AFG1L: variants seen among roughly 807,000 people sequenced by gnomAD.
AFG1L encodes AFG1-like ATPase.
In AFG1L, 53 loss-of-function variants were observed where a neutral mutation model predicts 62.2. The observed-to-expected ratio is 0.85, with a 90% CI of 0.68 to 1.07. The LOEUF is 1.07. Among genes scored for constraint, AFG1L ranks in the 50% least tolerant of loss-of-function variants. The pLI is 0.00. For synonymous variants in AFG1L, 228 were observed against 210.3 expected (o/e 1.08, Z -0.73); for missense variants, 555 against 590.5 (o/e 0.94, Z 0.62).
intron 10 of AFG1L, among the ~76,000 whole-genome samples, chr6:108,490,833 C>T (rs1181368144): frequency 6.6e-6 from 1 of 152,226 alleles, no homozygotes; most frequent in Admixed American, 6.5e-5. Flanking sequence ...CTATTTCCCT[C>T]TGTTGAAAAC....
chr6:108,447,040 A>G (rs1454250548), intron 7 of AFG1L, among the ~76,000 whole-genome samples, 174 bp from the exon 8 acceptor site: 4 of 152,186 alleles, frequency 2.6e-5, no homozygotes, highest in Non-Finnish European at 5.9e-5. Context: ...TATATTTAAT[A>G]TTGCAACTTT....
chr6:108,317,450 T>C lies in AFG1L; in HGVS notation c.140-6375T>C, dbSNP rs1264911569. On this transcript the variant is annotated intron_variant, in intron 1 of 12. Transcript: ENST00000368977. ...GGGTGGGACAACAGGACCAGTTGAGTCATGAGTCATGAGTCCAGGTGGGGT... is the reference window on the plus strand; with the variant it reads ...GGGTGGGACAACAGGACCAGTTGAGCCATGAGTCATGAGTCCAGGTGGGGT... Among the ~76,000 whole-genome samples, 3 of 151,968 alleles carry C rather than the reference T, an allele frequency of 2.0e-5. No homozygotes were observed. The East Asian group carries it at 5.8e-4, about 29-fold the overall frequency.
intron 8 of AFG1L, among the ~76,000 whole-genome samples, chr6:108,476,016 T>C (rs1262315008): frequency 1.3e-5 from 2 of 152,224 alleles, no homozygotes; most frequent in Admixed American, 6.5e-5. Context: ...AAAGTTTGTA[T>C]GTGGAGTTGA....
chr6:108,419,624 C>T (rs1381832374), intron 7 of AFG1L, among the ~76,000 whole-genome samples: 2 of 152,072 alleles, frequency 1.3e-5, no homozygotes, highest in Admixed American at 1.3e-4. Flanking sequence ...GAGGTAGTAA[C>T]AATTTTGTTC....
chr6:108,426,880 T>C (rs1770839283), intron 7 of AFG1L, among the ~76,000 whole-genome samples: 1 of 151,924 alleles, frequency 6.6e-6, no homozygotes, highest in Non-Finnish European at 1.5e-5. Flanking sequence ...TCCCCAGGAG[T>C]AGCCACTATT....
intron 10 of AFG1L, among the ~76,000 whole-genome samples, chr6:108,491,206 A>G (rs7776278): frequency 0.67 from 101,845 of 152,102 alleles, 36,004 homozygotes; most frequent in African/African-American, 0.91. Flanking sequence ...ATAAATCTAC[A>G]TCATAAACTT....
intron 7 of AFG1L, among the ~76,000 whole-genome samples, chr6:108,429,204 G>T (rs889958917): frequency 6.6e-6 from 1 of 152,036 alleles, no homozygotes; most frequent in African/African-American, 2.4e-5. Context: ...ATGTGTATTA[G>T]TCTGTTCTCA....
intron 2 of AFG1L, among the ~76,000 whole-genome samples, 192 bp downstream of exon 2, chr6:108,324,240 A>G (rs1263774483): frequency 6.6e-6 from 1 of 152,210 alleles, no homozygotes; most frequent in Non-Finnish European, 1.5e-5. Flanking sequence ...AGGGGTTTGA[A>G]TAGCTTCATA....
chr6:108,446,402 G>A (rs1051145607), intron 7 of AFG1L, among the ~76,000 whole-genome samples: 1 of 151,854 alleles, frequency 6.6e-6, no homozygotes, highest in Non-Finnish European at 1.5e-5. Flanking sequence ...ATTTAGAAGC[G>A]AAGGATGGGC....
intron 7 of AFG1L, among the ~76,000 whole-genome samples, chr6:108,417,130 A>G (rs1770334012): frequency 6.6e-6 from 1 of 151,776 alleles, no homozygotes; most frequent in East Asian, 1.9e-4. Flanking sequence ...GCTACTTAGG[A>G]AGCTGAGGTG....
intron 8 of AFG1L, among the ~76,000 whole-genome samples, chr6:108,455,373 A>G (rs1180523938): frequency 2.0e-5 from 3 of 152,166 alleles, no homozygotes; most frequent in Non-Finnish European, 4.4e-5. Flanking sequence ...TTTTAAAAAG[A>G]TAGCCTTCTC....
At chr6:108,322,711 A>G (rs573369223) in intron 1 of AFG1L, among the ~76,000 whole-genome samples, 1 of 152,306 alleles carries the variant, frequency 6.6e-6, no homozygotes, top group African/African-American at 2.4e-5. Flanking sequence ...AGTAATTTTT[A>G]TGTTATTGTG....
At chr6:108,295,248 C>T (rs778578879) in intron 1 of AFG1L, 30 bp downstream of exon 1, 36 of 1,584,904 alleles carry the variant, frequency 2.3e-5, no homozygotes, top group Non-Finnish European at 2.7e-5. Context: ...GTAGTCCGAG[C>T]CGACTGCATA....
chr6:108,314,231 CAAAAAA>C (rs1365213405), intron 1 of AFG1L, among the ~76,000 whole-genome samples: 1 of 150,152 alleles, frequency 6.7e-6, no homozygotes. Flanking sequence ...AACTCTATCT[CAAAAAA>C]AGAAAAAAAA....
chr6:108,400,752 TATATATGTTATATATTTATA>T (rs1257421109), intron 6 of AFG1L, among the ~76,000 whole-genome samples: 1 of 126,394 alleles, frequency 7.9e-6, no homozygotes, highest in Non-Finnish European at 1.6e-5. Flanking sequence ...TATATGATAT[TATATATGTTATATATTTATA>T]ATATATGTTA....
intron 6 of AFG1L, among the ~76,000 whole-genome samples, chr6:108,392,981 C>A (rs1009616543): frequency 6.6e-6 from 1 of 151,966 alleles, no homozygotes; most frequent in Non-Finnish European, 1.5e-5. Flanking sequence ...CTTTAAAAAT[C>A]CTCTTTGTTT....
chr6:108,303,815 C>A (rs1366997084), intron 1 of AFG1L, among the ~76,000 whole-genome samples: 5 of 152,028 alleles, frequency 3.3e-5, no homozygotes, highest in African/African-American at 1.2e-4. Context: ...ACTAACATAA[C>A]AAATGAATGG....
intron 8 of AFG1L, among the ~76,000 whole-genome samples, chr6:108,459,692 A>T (rs1256728834): frequency 1.3e-5 from 2 of 152,234 alleles, no homozygotes; most frequent in Non-Finnish European, 2.9e-5. Context: ...GCAATTGAAA[A>T]AATGTTGAGA....
At chr6:108,336,585 C>T (rs1265970584) in intron 2 of AFG1L, among the ~76,000 whole-genome samples, 4 of 152,066 alleles carry the variant, frequency 2.6e-5, no homozygotes, top group Non-Finnish European at 4.4e-5. Context: ...TTTTAGTTTG[C>T]AGTAAAGGAA....
Sources: allele counts gnomAD v4.1 joint callset (sites outside exome capture counted in the v4.1 genomes callset), GRCh38; gene constraint gnomAD v4.1.1; transcripts MANE v1.5; gene names NCBI Gene and HGNC (gene_info 2026-07-23, HGNC 2026-07-21).